The following ELF4 variants were observed in gnomAD, a reference collection of about 807,000 sequenced individuals.
The protein encoded by ELF4 is ETS-related transcription factor Elf-4.
A neutral mutation model predicts 31.7 loss-of-function variants in ELF4; 10 were observed. The observed-to-expected ratio is 0.32, with a 90% confidence interval of 0.19 to 0.54. The LOEUF is 0.54. ELF4 is among the 20% of genes least tolerant of loss of function. The pLI, the probability that ELF4 is intolerant of heterozygous loss-of-function variation, is 0.95. For synonymous variants in ELF4, 208 were observed against 226.7 expected (o/e 0.92, Z 0.74); for missense variants, 418 against 522.0 (o/e 0.80, Z 1.94).
intron 1 of ELF4, among the ~76,000 whole-genome samples, chrX:130,090,922 C>T (rs915278242): frequency 1.8e-5 from 2 of 111,538 alleles, no homozygotes; most frequent in East Asian, 2.8e-4. Context: ...AAGTAATCCT[C>T]CCGCCTCAGC....
chrX:130,083,386 G>A (rs1239921137), intron 1 of ELF4, among the ~76,000 whole-genome samples: 2 of 102,932 alleles, frequency 1.9e-5, no homozygotes, highest in African/African-American at 7.2e-5. Context: ...AGCGCCCCAA[G>A]GCTTGCATTC....
chrX:130,076,108 C>G (rs1047841276), intron 2 of ELF4, among the ~76,000 whole-genome samples: 4 of 111,889 alleles, frequency 3.6e-5, no homozygotes, highest in African/African-American at 1.3e-4. Context: ...GGTGGTCGTT[C>G]AATCCCTTGG....
intron 8 of ELF4, among the ~76,000 whole-genome samples, chrX:130,067,756 C>G (rs1278710133): frequency 2.7e-5 from 3 of 111,942 alleles, no homozygotes; most frequent in Non-Finnish European, 5.6e-5. Flanking sequence ...ATCCTCCTGA[C>G]TCAGCCTCCC....
At chrX:130,095,904 G>A (rs1361590154) in intron 1 of ELF4, among the ~76,000 whole-genome samples, 1 of 111,636 alleles carries the variant, frequency 9.0e-6, no homozygotes, top group Non-Finnish European at 1.9e-5. Context: ...TTTATGGAAA[G>A]TCAGCCTTGA....
intron 2 of ELF4, among the ~76,000 whole-genome samples, chrX:130,076,591 C>G (rs1265616037): frequency 9.0e-6 from 1 of 111,076 alleles, no homozygotes; most frequent in African/African-American, 3.3e-5. Context: ...GCCACCATAC[C>G]TGGCTAATTT....
At position 130,066,038 on chromosome X, in the gene ELF4, CT is replaced by C; in HGVS notation, c.*682del. The C allele has an allele frequency of 5.7e-6, 1 of 175,167 alleles. No homozygotes were observed. The highest frequency in any genetic ancestry group is 1.1e-5 in the Non-Finnish European group (1 of 91,252). 14.4% of individuals were successfully genotyped at this position (175,167 alleles called of 1,213,427 possible). On this transcript the variant is annotated 3_prime_UTR_variant, in exon 9 of 9. Coordinates refer to ENST00000308167, the MANE Select transcript of ELF4 (RefSeq NM_001421.4). ...GCCTTTGTGTCCCTGAGGAGCGCAT[CT>C]TCCCCAATGTGCATGCGCATCAAAG... is the stretch of plus-strand genomic sequence containing the variant.
chrX:130,099,884 G>A (rs1404247062), intron 1 of ELF4, among the ~76,000 whole-genome samples: 3 of 111,458 alleles, frequency 2.7e-5, no homozygotes, highest in East Asian at 2.9e-4. Flanking sequence ...TGATCCACCC[G>A]CCTTGGCCTC....
rs182087999 is a variant in ELF4 at position 130,078,896 on chromosome X, C to T, written c.75+2360G>A. On this transcript the variant is annotated intron_variant, in intron 2 of 8. Coordinates refer to ENST00000308167, the MANE Select transcript of ELF4 (RefSeq NM_001421.4). ...TCACCTGAGCCTGGGGAGGTCGAGGCTGCAGTGAGCCATGATTGTGCCACT... is the reference window on the plus strand; with the variant it reads ...TCACCTGAGCCTGGGGAGGTCGAGGTTGCAGTGAGCCATGATTGTGCCACT... Among the ~76,000 whole-genome samples, 31 of 109,479 alleles carry T rather than the reference C, an allele frequency of 2.8e-4. 1 individual carries two copies. The East Asian group carries it at 8.3e-3, about 29-fold the overall frequency.
intron 1 of ELF4, among the ~76,000 whole-genome samples, chrX:130,102,894 G>A (rs1933299324): frequency 1.0e-5 from 1 of 97,642 alleles, no homozygotes; most frequent in Admixed American, 1.2e-4. Context: ...GAGAAAGAAA[G>A]AAAGAAAGAA....
At chrX:130,089,140 C>T (rs1569407011) in intron 1 of ELF4, among the ~76,000 whole-genome samples, 1 of 110,592 alleles carries the variant, frequency 9.0e-6, no homozygotes, top group Non-Finnish European at 1.9e-5. Flanking sequence ...AGGGCAGCCT[C>T]GGCTCCAGAA....
intron 1 of ELF4, among the ~76,000 whole-genome samples, chrX:130,088,550 A>G (rs896253887): frequency 6.3e-5 from 7 of 111,533 alleles, no homozygotes; most frequent in African/African-American, 2.0e-4. Flanking sequence ...CGTCTCTACT[A>G]TAAATACAAA....
At chrX:130,100,412 C>G (rs1246226124) in intron 1 of ELF4, among the ~76,000 whole-genome samples, 3 of 111,449 alleles carry the variant, frequency 2.7e-5, no homozygotes, top group Non-Finnish European at 5.7e-5. Flanking sequence ...CAGTCTGACC[C>G]CACCCTACCT....
At position 130,064,014 on chromosome X, in the gene ELF4, C is replaced by CT. The variant is rs1932610991; in HGVS notation, c.*2706dup. ...TATTATTATTATTATTATTATTATA[C>CT]TTTAAGTTCTGGGATACATGTGCAG... On this transcript the variant is annotated 3_prime_UTR_variant, in exon 9 of 9. Coordinates refer to ENST00000308167, the MANE Select transcript of ELF4 (RefSeq NM_001421.4). 2.3e-5 allele frequency among the ~76,000 whole-genome samples: 2 copies of CT among 85,869 alleles called. No individual in the cohort carries two copies. The highest frequency in any genetic ancestry group is 8.3e-5 in the African/African-American group (2 of 24,219). 74.6% of individuals were successfully genotyped at this position (85,869 alleles called of 115,157 possible). A position where few individuals can be genotyped will look rare whatever the true frequency, so the allele number is the denominator to read the frequency against.
In ELF4 at chrX:130,066,898, G is replaced by A; in HGVS notation, c.1815C>T (p.Pro605=). The change falls in exon 9 of 9, where the codon CCC becomes CCT. Residue 605 remains proline, a synonymous_variant. Coordinates refer to ENST00000308167, the MANE Select transcript of ELF4 (RefSeq NM_001421.4). ...CAGCCACTGGGGTCAGCCCAACAGT[G>A]GGGCGGCTGGGAGGAGACAAAGTCT... is the stretch of plus-strand genomic sequence containing the variant. ...GNQTLSPPSR[P]TVGLTPVAEL... 8.3e-7 allele frequency: 1 copy of A among 1,211,989 alleles called. No homozygotes were observed. The highest frequency in any genetic ancestry group is 1.1e-6 in the Non-Finnish European group (1 of 895,552).
chrX:130,074,884 A>G, intron 2 of ELF4, 132 bp from the exon 3 acceptor site: 5 of 769,078 alleles, frequency 6.5e-6, no homozygotes, highest in Non-Finnish European at 9.6e-6. Context: ...ATAGGATGAT[A>G]TAACTCTGGG....
intron 8 of ELF4, among the ~76,000 whole-genome samples, chrX:130,068,802 G>GC (rs1198739915): frequency 8.9e-6 from 1 of 112,468 alleles, no homozygotes; most frequent in Non-Finnish European, 1.9e-5. Context: ...TCTCGTGTAA[G>GC]CCCCCGGATG....
At chrX:130,068,073 A>G (rs5977200) in intron 8 of ELF4, among the ~76,000 whole-genome samples, 1,168 of 111,857 alleles carry the variant, frequency 0.01, 21 homozygotes, top group African/African-American at 0.036. Flanking sequence ...CGGCCTCCCA[A>G]AGTGCTGGGA....
At chrX:130,097,168 C>G (rs1177601741) in intron 1 of ELF4, among the ~76,000 whole-genome samples, 3 of 105,016 alleles carry the variant, frequency 2.9e-5, no homozygotes, top group African/African-American at 7.0e-5. Context: ...CCGGGTGCGG[C>G]GGCTCACACC....
At chrX:130,089,532 A>AAAC (rs1312182430) in intron 1 of ELF4, among the ~76,000 whole-genome samples, 21 of 105,015 alleles carry the variant, frequency 2.0e-4, no homozygotes, top group Non-Finnish European at 3.5e-4. Flanking sequence ...AAAAAAAAAA[A>AAAC]AAAAACACCT....
Sources: gnomAD v4.1 joint callset for allele counts (sites outside exome capture counted in the v4.1 genomes callset) on GRCh38, gnomAD v4.1.1 for gene constraint, MANE v1.5 for transcripts, NCBI Gene and HGNC (gene_info 2026-07-23, HGNC 2026-07-21) for gene names.